Variants in COL5A2 observed in about 807,000 individuals in gnomAD.
COL5A2 encodes the protein collagen alpha-2(V) chain.
In COL5A2, 23 loss-of-function variants were observed where a neutral mutation model predicts 208.2. The observed-to-expected ratio is 0.11, with a 90% CI of 0.08 to 0.16. The LOEUF (loss-of-function observed/expected upper bound fraction) is 0.16. COL5A2 is among the 10% of genes least tolerant of loss of function. COL5A2 has a pLI of 1.00. For missense variants in COL5A2, 1,590 were observed against 1,956.4 expected (o/e 0.81, Z 3.53); for synonymous variants, 625 against 628.5 (o/e 0.99, Z 0.08).
At chr2:189,186,117 C>G (rs1688848477) in intron 1 of COL5A2, among the ~76,000 whole-genome samples, 1 of 151,794 alleles carries the variant, frequency 6.6e-6, no homozygotes, top group Non-Finnish European at 1.5e-5. Context: ...CTCAAGGGAT[C>G]CTCTCACCTC....
chr2:189,080,009 G>A lies in COL5A2; in HGVS notation c.929C>T (p.Pro310Leu), dbSNP rs1422843761. 8 of 1,612,706 alleles carry A rather than the reference G, an allele frequency of 5.0e-6. No homozygotes were observed. The highest frequency in any genetic ancestry group is 6.8e-6 in the Non-Finnish European group (8 of 1,179,080). Residue 310 changes from proline (P) to leucine (L), a missense_variant, in exon 14 of 54, where the codon CCT becomes CTT. Coordinates refer to ENST00000374866, the MANE Select transcript of COL5A2 (RefSeq NM_000393.5). Reference sequence around the variant, plus strand: ...ACCAGGTGCTCCAACTTCACCTTTAGGGCCTTCAAGACCTTTGTGTCCCTG... The same window carrying A: ...ACCAGGTGCTCCAACTTCACCTTTAAGGCCTTCAAGACCTTTGTGTCCCTG... The part of the protein sequence containing the change: ...GHRGHKGLEG[P>L]KGEVGAPGSK...
At chr2:189,058,626 A>T in intron 32 of COL5A2, 99 bp from the exon 33 acceptor site, 3 of 1,118,930 alleles carry the variant, frequency 2.7e-6, no homozygotes, top group Non-Finnish European at 4.0e-6. Flanking sequence ...AAATTCAGAA[A>T]TGAGACATTA....
At chr2:189,079,846 T>C (rs138091732) in intron 14 of COL5A2, 132 bp downstream of exon 14, 4 of 802,950 alleles carry the variant, frequency 5.0e-6, no homozygotes, top group Non-Finnish European at 8.7e-6. Flanking sequence ...TGAAAAATTA[T>C]GTTTATTTAC....
At chr2:189,046,269 T>A (rs986803210) in intron 45 of COL5A2, among the ~76,000 whole-genome samples, 13 of 152,306 alleles carry the variant, frequency 8.5e-5, no homozygotes, top group Middle Eastern at 3.4e-3. Context: ...TTCCAAAGAC[T>A]GTGAAAACAA....
intron 1 of COL5A2, among the ~76,000 whole-genome samples, chr2:189,113,647 T>G (rs1687328523): frequency 6.7e-6 from 1 of 149,044 alleles, no homozygotes; most frequent in East Asian, 1.9e-4. Flanking sequence ...TGTTTGTTTA[T>G]TGTATAAATC....
the COL5A2 span, among the ~76,000 whole-genome samples, chr2:189,336,704 T>A: frequency 3.9e-5 from 6 of 152,118 alleles, no homozygotes; most frequent in Admixed American, 3.9e-4. Context: ...AGGAGAGTAA[T>A]GGTAAAGCAA....
the COL5A2 span, among the ~76,000 whole-genome samples, chr2:189,330,929 A>T: frequency 6.6e-6 from 1 of 152,334 alleles, no homozygotes; most frequent in Admixed American, 6.5e-5. Flanking sequence ...ATGAGTATAT[A>T]TGTGATCCAG....
chr2:189,050,587 G>GAT lies in COL5A2; in HGVS notation c.3020_3021insAT (p.Gly1008SerfsTer13), dbSNP rs1559079273. 1 of 1,551,614 alleles carries GAT rather than the reference G, an allele frequency of 6.4e-7. No individual in the cohort carries two copies. The highest frequency in any genetic ancestry group is 1.2e-5 in the South Asian group (1 of 84,062). On this transcript the variant is annotated frameshift_variant, in exon 43 of 54. Transcript: ENST00000374866. LOFTEE classifies it high-confidence loss of function. ...TACTCACCGCTGGGCCTGGTAGGCC[G>GAT]GGCATGCCTCTCTCTCCACGTTGCC...
the COL5A2 span, among the ~76,000 whole-genome samples, chr2:189,344,498 G>A: frequency 6.6e-6 from 1 of 152,096 alleles, no homozygotes; most frequent in East Asian, 1.9e-4. Flanking sequence ...AGAATATTGG[G>A]AAGTATACTG....
chr2:189,078,351 C>A (rs969926681), intron 16 of COL5A2, among the ~76,000 whole-genome samples, 165 bp downstream of exon 16: 7 of 150,288 alleles, frequency 4.7e-5, no homozygotes, highest in Non-Finnish European at 8.9e-5. Context: ...TCTGTACTTT[C>A]TTTTCAACTT....
At chr2:189,098,588 A>G in intron 5 of COL5A2, 139 bp downstream of exon 5, 1 of 699,042 alleles carries the variant, frequency 1.4e-6, no homozygotes, top group Non-Finnish European at 2.5e-6. Context: ...TAACTTGAAG[A>G]TGGTTTAAGA....
chr2:189,348,345 G>C, the COL5A2 span, among the ~76,000 whole-genome samples: 1 of 151,972 alleles, frequency 6.6e-6, no homozygotes, highest in Non-Finnish European at 1.5e-5. Context: ...TAATTTATTT[G>C]CTCTAGAAAA....
At chr2:189,300,101 C>T in the COL5A2 span, among the ~76,000 whole-genome samples, 1 of 152,192 alleles carries the variant, frequency 6.6e-6, no homozygotes, top group South Asian at 2.1e-4. Context: ...TACACAGATA[C>T]CTGAGCCAAG....
intron 1 of COL5A2, among the ~76,000 whole-genome samples, chr2:189,191,410 G>A (rs1351747740): frequency 6.6e-6 from 1 of 152,088 alleles, no homozygotes; most frequent in African/African-American, 2.4e-5. Context: ...GGAGGCTGAG[G>A]TGGGTAGATC....
At chr2:189,176,519 T>A (rs568140565) in intron 1 of COL5A2, among the ~76,000 whole-genome samples, 260 of 152,296 alleles carry the variant, frequency 1.7e-3, no homozygotes, top group Admixed American at 5.0e-3. Flanking sequence ...ATACAATGAT[T>A]CATAACAAAG....
At chr2:189,156,304 A>G (rs190051459) in intron 1 of COL5A2, among the ~76,000 whole-genome samples, 4 of 152,284 alleles carry the variant, frequency 2.6e-5, no homozygotes, top group Admixed American at 2.6e-4. Flanking sequence ...GAATGACAAC[A>G]TTGCCCTTAA....
chr2:189,440,734 G>C, the COL5A2 span, among the ~76,000 whole-genome samples: 1 of 152,174 alleles, frequency 6.6e-6, no homozygotes, highest in East Asian at 1.9e-4. Flanking sequence ...GATTTTAGGG[G>C]TTCCTAACCC....
At chr2:189,059,478 T>C (rs1351734999) in intron 31 of COL5A2, among the ~76,000 whole-genome samples, 3 of 151,626 alleles carry the variant, frequency 2.0e-5, no homozygotes, top group Non-Finnish European at 2.9e-5. Context: ...CTTTATCAAA[T>C]AGGCCTCCAA....
the COL5A2 span, among the ~76,000 whole-genome samples, chr2:189,255,910 G>T: frequency 6.6e-6 from 1 of 152,178 alleles, no homozygotes; most frequent in African/African-American, 2.4e-5. Context: ...ATAGAAAAGA[G>T]ATGAAGAATC....
Sources: gnomAD v4.1 joint callset for allele counts (sites outside exome capture counted in the v4.1 genomes callset) on GRCh38, gnomAD v4.1.1 for gene constraint, MANE v1.5 for transcripts, NCBI Gene and HGNC (gene_info 2026-07-23, HGNC 2026-07-21) for gene names.